Variants in ARFIP1 observed in about 807,000 individuals in gnomAD.
ARFIP1 encodes the protein ARF interacting protein 1.
Under a neutral mutation model 42.5 loss-of-function variants are expected in ARFIP1, and 24 were observed. That is an observed-to-expected ratio of 0.57 (90% CI 0.41 to 0.80). The LOEUF is 0.80. Among genes scored for constraint, ARFIP1 ranks in the 30% least tolerant of loss-of-function variants. The probability of loss-of-function intolerance (pLI) is 0.00; values close to 1 mark genes in which losing one functional copy is unlikely to be tolerated. For synonymous variants in ARFIP1, 141 were observed against 153.7 expected (o/e 0.92, Z 0.61); for missense variants, 354 against 434.0 (o/e 0.82, Z 1.64).
In ARFIP1 at chr4:152,881,024, T is replaced by C; in HGVS notation, c.473T>C (p.Leu158Pro). ...GGCTCAAGAACTGTGGACCTTGAAC[T>C]TGAAGCTCAGATTGATATATTAAGG... ...GRGSRTVDLE[L>P]EAQIDILRDN... The change falls in exon 6 of 9, where the codon CTT becomes CCT. Residue 158 changes from leucine (L) to proline (P), a missense_variant. Transcript: ENST00000353617. The C allele has an allele frequency of 6.2e-7, 1 of 1,613,932 alleles. No individual in the cohort carries two copies. The highest frequency in any genetic ancestry group is 2.2e-5 in the East Asian group (1 of 44,868).
intron 2 of ARFIP1, among the ~76,000 whole-genome samples, chr4:152,855,194 C>T (rs187512507): frequency 6.6e-6 from 1 of 152,178 alleles, no homozygotes; most frequent in Non-Finnish European, 1.5e-5. Context: ...AACCTCAGGT[C>T]CTCTGGAAGA....
rs1446285907 is a variant in ARFIP1, at chr4:152,870,626, T to C, written c.203-127T>C. The C allele has an allele frequency of 7.7e-6, 5 of 653,518 alleles. No individual in the cohort carries two copies. The South Asian group carries it at 9.1e-5, about 12-fold the overall frequency. 40.5% of individuals were successfully genotyped at this position (653,518 alleles called of 1,614,324 possible). ...GTCCTTCCCTGAAAGAAAACAAATA[T>C]ATTAATTCCAACTTTTAATCCTAGT... On this transcript the variant is annotated intron_variant, in intron 3 of 8. Coordinates refer to ENST00000353617, the MANE Select transcript of ARFIP1 (RefSeq NM_001025595.3).
intron 8 of ARFIP1, among the ~76,000 whole-genome samples, chr4:152,904,729 G>T (rs1054726685): frequency 6.6e-6 from 1 of 151,990 alleles, no homozygotes; most frequent in African/African-American, 2.4e-5. Context: ...ACATGATCCT[G>T]TTCCTTTTTA....
At chr4:152,822,543 G>C (rs1730471827) in intron 1 of ARFIP1, among the ~76,000 whole-genome samples, 1 of 152,130 alleles carries the variant, frequency 6.6e-6, no homozygotes, top group African/African-American at 2.4e-5. Flanking sequence ...CTGGAGTCAA[G>C]CTACACTGTA....
intron 8 of ARFIP1, among the ~76,000 whole-genome samples, chr4:152,902,323 G>A (rs1488256537): frequency 1.3e-5 from 2 of 152,198 alleles, no homozygotes; most frequent in African/African-American, 2.4e-5. Context: ...GTGACATAGA[G>A]AGACCCGGTC....
At chr4:152,887,921 A>G (rs1736394194) in intron 7 of ARFIP1, among the ~76,000 whole-genome samples, 1 of 152,110 alleles carries the variant, frequency 6.6e-6, no homozygotes, top group African/African-American at 2.4e-5. Context: ...TGAGAGAAAT[A>G]GTTAATGAGA....
chr4:152,895,718 G>A (rs1458707407), intron 8 of ARFIP1, among the ~76,000 whole-genome samples: 1 of 151,514 alleles, frequency 6.6e-6, no homozygotes, highest in Non-Finnish European at 1.5e-5. Context: ...GTGCTGCTAG[G>A]CCTGGATAAT....
In ARFIP1 at chr4:152,780,085, A is replaced by T. The variant is rs1029158920; in HGVS notation, c.-151A>T. ...CTGCAGTTGCTCCCCGCCCCCGAGC[A>T]GCCGAGGTGCGTGGGGGAAGGGGAA... On this transcript the variant is annotated 5_prime_UTR_variant, in exon 1 of 9. Coordinates refer to ENST00000353617, the MANE Select transcript of ARFIP1 (RefSeq NM_001025595.3). The T allele has an allele frequency of 6.6e-6, 1 of 152,392 alleles. No individual in the cohort carries two copies. Among genetic ancestry groups the T allele is most frequent in the African/African-American group, 2.4e-5 (1 of 41,474 alleles). 9.4% of individuals were successfully genotyped at this position (152,392 alleles called of 1,614,324 possible).
rs1178209147 is a variant in ARFIP1, at chr4:152,786,091, C to T, written c.-10+5865C>T. Among the ~76,000 whole-genome samples, 3 of 152,200 alleles carry T rather than the reference C, an allele frequency of 2.0e-5. No homozygotes were observed. In the East Asian group the frequency reaches 5.8e-4, roughly 29 times the overall value. On this transcript the variant is annotated intron_variant, in intron 1 of 8. Transcript: ENST00000353617. ...GAAATGTTATTGCCATGTTCTCTCT[C>T]AGCTTTTTGTTTTAACTAAATCCAG...
intron 8 of ARFIP1, among the ~76,000 whole-genome samples, chr4:152,903,037 C>G (rs1561184671): frequency 6.6e-6 from 1 of 152,170 alleles, no homozygotes; most frequent in Non-Finnish European, 1.5e-5. Flanking sequence ...TTTTCTAATA[C>G]TACTTAATTA....
intron 3 of ARFIP1, among the ~76,000 whole-genome samples, chr4:152,868,973 G>A (rs955522183): frequency 1.4e-4 from 22 of 152,288 alleles, no homozygotes; most frequent in Middle Eastern, 6.8e-3. Context: ...TGACAGTTTA[G>A]TTGATTTCCA....
intron 1 of ARFIP1, among the ~76,000 whole-genome samples, chr4:152,788,279 A>G (rs1386660689): frequency 1.3e-5 from 2 of 152,254 alleles, no homozygotes; most frequent in Non-Finnish European, 2.9e-5. Flanking sequence ...GCAATATAGC[A>G]CAGTATTCTT....
At chr4:152,909,759 AGTTT>A (rs1188577145) in intron 8 of ARFIP1, among the ~76,000 whole-genome samples, 1 of 152,216 alleles carries the variant, frequency 6.6e-6, no homozygotes, top group East Asian at 1.9e-4. Context: ...GAATGTACTT[AGTTT>A]GAGGAGGATT....
rs906650992 is a variant in ARFIP1, at chr4:152,870,396, A to G, written c.203-357A>G. ...ATATATGAGAGTAGCAAGTTATGAAATATTTACTGAAGCTTTAAATCATCC... is the reference window on the plus strand; with the variant it reads ...ATATATGAGAGTAGCAAGTTATGAAGTATTTACTGAAGCTTTAAATCATCC... On this transcript the variant is annotated intron_variant, in intron 3 of 8. Coordinates refer to ENST00000353617, the MANE Select transcript of ARFIP1 (RefSeq NM_001025595.3). Among the ~76,000 whole-genome samples the G allele has an allele frequency of 5.9e-5, 9 of 152,332 alleles. No individual in the cohort carries two copies. In the South Asian group the frequency reaches 1.7e-3, roughly 28 times the overall value.
intron 1 of ARFIP1, among the ~76,000 whole-genome samples, chr4:152,825,236 C>CA (rs770098781): frequency 7.2e-5 from 11 of 151,786 alleles, no homozygotes; most frequent in Non-Finnish European, 1.3e-4. Flanking sequence ...AAAAAGAGCC[C>CA]AAATAGCCAA....
intron 3 of ARFIP1, 83 bp downstream of exon 3, chr4:152,863,797 A>G (rs577114597): frequency 2.5e-6 from 2 of 807,358 alleles, no homozygotes; most frequent in Non-Finnish European, 4.1e-6. Context: ...AATAAAGCAC[A>G]AGAATGGAGC....
chr4:152,797,053 C>G (rs563354823), intron 1 of ARFIP1, among the ~76,000 whole-genome samples: 3 of 152,274 alleles, frequency 2.0e-5, no homozygotes, highest in Non-Finnish European at 2.9e-5. Context: ...TTTCCCTATA[C>G]CAACTTTGAG....
intron 1 of ARFIP1, among the ~76,000 whole-genome samples, chr4:152,795,694 A>C (rs1364324144): frequency 2.0e-5 from 3 of 152,012 alleles, no homozygotes; most frequent in Non-Finnish European, 2.9e-5. Flanking sequence ...CACTAATGGA[A>C]TGTTTTGTCA....
chr4:152,827,365 C>T (rs1004464735), intron 1 of ARFIP1, among the ~76,000 whole-genome samples: 3 of 152,126 alleles, frequency 2.0e-5, no homozygotes, highest in Admixed American at 6.5e-5. Context: ...TGTTGACATC[C>T]CTCGCTAGAG....
Sources: gnomAD v4.1 joint callset for allele counts (sites outside exome capture counted in the v4.1 genomes callset) on GRCh38, gnomAD v4.1.1 for gene constraint, MANE v1.5 for transcripts, NCBI Gene and HGNC (gene_info 2026-07-23, HGNC 2026-07-21) for gene names.